The following DENND5A variants were observed in gnomAD, a reference collection of about 807,000 sequenced individuals.
The protein encoded by DENND5A is DENN domain-containing protein 5A.
A neutral mutation model predicts 140.3 loss-of-function variants in DENND5A; 64 were observed. The ratio of observed to expected loss-of-function variants is 0.46; its 90% confidence interval spans 0.37 to 0.56. The LOEUF is 0.56. Ranked by LOEUF, DENND5A falls within the 20% of genes least tolerant of loss-of-function variation. The pLI is 0.00. For synonymous variants in DENND5A, 605 were observed against 607.7 expected (o/e 1.00, Z 0.07); for missense variants, 1,292 against 1,593.8 (o/e 0.81, Z 3.22).
intron 1 of DENND5A, among the ~76,000 whole-genome samples, chr11:9,256,050 C>T (rs1018056563): frequency 1.3e-5 from 2 of 149,812 alleles, no homozygotes; most frequent in African/African-American, 4.9e-5. Flanking sequence ...AGGTTAAACA[C>T]AGTTACTATA....
intron 17 of DENND5A, 103 bp from the exon 18 acceptor site, chr11:9,145,216 C>G: frequency 1.2e-6 from 1 of 812,170 alleles, no homozygotes; most frequent in Non-Finnish European, 2.1e-6. Flanking sequence ...CCTGACCCCT[C>G]AGCATCTGCA....
chr11:9,177,158 G>T (rs896021482), intron 8 of DENND5A, among the ~76,000 whole-genome samples: 3 of 151,514 alleles, frequency 2.0e-5, no homozygotes, highest in Non-Finnish European at 4.4e-5. Context: ...GGAGACTGAG[G>T]TGAGAGAATT....
At chr11:9,186,095 T>C (rs922948252) in intron 5 of DENND5A, among the ~76,000 whole-genome samples, 2 of 152,252 alleles carry the variant, frequency 1.3e-5, no homozygotes, top group African/African-American at 4.8e-5. Flanking sequence ...AATAAACATT[T>C]GCTGAGTGCA....
At chr11:9,242,855 C>G (rs562305223) in intron 1 of DENND5A, 8 of 150,948 alleles carry the variant, frequency 5.3e-5, no homozygotes, top group Non-Finnish European at 1.2e-4. Context: ...TTTCGGAGGC[C>G]GAGGCGGGTG....
Position 9,204,216 on chromosome 11 carries a change from A to G in DENND5A, c.393T>C (p.Phe131=), listed in dbSNP as rs1481977400. The G allele has an allele frequency of 1.2e-6, 2 of 1,614,102 alleles. No homozygotes were observed. The highest frequency in any genetic ancestry group is 4.5e-5 in the East Asian group (2 of 44,874). The change falls in exon 4 of 23, where the codon TTT becomes TTC. Residue 131 remains phenylalanine (F), a synonymous_variant. Coordinates refer to ENST00000328194, the MANE Select transcript of DENND5A (RefSeq NM_015213.4). ...IITREDGSRT[F]GFALTFYEEV... ...CTTCATAAAATGTGAGGGCAAACCC[A>G]AATGTCCGAGAGCCATCCTCCCTTG... is the stretch of plus-strand genomic sequence containing the variant.
rs1847141960 is a variant in DENND5A, at chr11:9,139,021, A to T, written c.*650T>A. ...TTTAAAAAAGAAAAAAGAAAAGAAA[A>T]ACCTGTTAAAACATGCTTATGTTTA... On this transcript the variant is annotated 3_prime_UTR_variant, in exon 23 of 23. Transcript: ENST00000328194. 6.6e-6 allele frequency: 1 copy of T among 152,026 alleles called. No homozygotes were observed. Among genetic ancestry groups the T allele is most frequent in the Non-Finnish European group, 1.5e-5 (1 of 67,792 alleles). The allele number at this position is 152,026 out of a possible 1,614,324, so 9.4% of individuals were successfully genotyped here.
intron 1 of DENND5A, among the ~76,000 whole-genome samples, chr11:9,259,341 A>C (rs754498815): frequency 6.6e-6 from 1 of 151,540 alleles, no homozygotes; most frequent in Non-Finnish European, 1.5e-5. Context: ...GGCGGATCAC[A>C]AGGTCAGGAG....
chr11:9,188,848 T>C (rs1259742051), intron 5 of DENND5A, among the ~76,000 whole-genome samples: 4 of 152,152 alleles, frequency 2.6e-5, no homozygotes, highest in Non-Finnish European at 5.9e-5. Flanking sequence ...TTTGGAAAAT[T>C]TGCAGCCTGA....
At chr11:9,189,591 C>T (rs1849039019) in intron 5 of DENND5A, among the ~76,000 whole-genome samples, 1 of 151,732 alleles carries the variant, frequency 6.6e-6, no homozygotes, top group South Asian at 2.1e-4. Flanking sequence ...TATGGGAACC[C>T]ACCTCTTTTT....
chr11:9,255,425 C>CA (rs545361361), intron 1 of DENND5A, among the ~76,000 whole-genome samples: 37 of 151,688 alleles, frequency 2.4e-4, no homozygotes, highest in Non-Finnish European at 5.0e-4. Flanking sequence ...CTCGTCTCTA[C>CA]AAAAAAATTA....
rs1389834246 is a variant in DENND5A, at chr11:9,260,543, ACTG to A, written c.109+4415_109+4417del. ...CAATTCTTCCAGATTTGCTTACCTAACTGACAAGTTCAAAAAGCCAACAAGCAG... is the reference window on the plus strand; with the variant it reads ...CAATTCTTCCAGATTTGCTTACCTAAACAAGTTCAAAAAGCCAACAAGCAG... On this transcript the variant is annotated intron_variant, in intron 1 of 22. Coordinates refer to ENST00000328194, the MANE Select transcript of DENND5A (RefSeq NM_015213.4). Among the ~76,000 whole-genome samples, 348 of 152,346 alleles carry A rather than the reference ACTG, an allele frequency of 2.3e-3. 1 individual carries two copies. Among genetic ancestry groups the A allele is most frequent in the African/African-American group, 8.0e-3 (331 of 41,574 alleles).
intron 1 of DENND5A, among the ~76,000 whole-genome samples, chr11:9,210,304 C>T (rs1849832315): frequency 6.6e-6 from 1 of 152,112 alleles, no homozygotes; most frequent in African/African-American, 2.4e-5. Flanking sequence ...ATTATTTGTT[C>T]AACACATATA....
Position 9,212,524 on chromosome 11 carries a change from G to T in DENND5A, c.110-4892C>A, listed in dbSNP as rs181664502. ...ATGATAAGAGAGAACCTTGAAAAGA[G>T]CTAGAAAGAAAGGATACACATTATA... On this transcript the variant is annotated intron_variant, in intron 1 of 22. Transcript: ENST00000328194. Among the ~76,000 whole-genome samples the T allele has an allele frequency of 3.0e-3, 459 of 152,018 alleles. 1 individual carries two copies. The highest frequency in any genetic ancestry group is 0.01 in the African/African-American group (421 of 41,456).
intron 22 of DENND5A, among the ~76,000 whole-genome samples, chr11:9,140,852 C>A (rs150769127): frequency 6.6e-6 from 1 of 152,192 alleles, no homozygotes; most frequent in Non-Finnish European, 1.5e-5. Context: ...GTTGGCCAGG[C>A]ATGGTGGCTC....
intron 1 of DENND5A, among the ~76,000 whole-genome samples, chr11:9,246,539 G>T (rs1040305353): frequency 2.6e-5 from 4 of 151,542 alleles, no homozygotes; most frequent in Non-Finnish European, 4.4e-5. Context: ...TTGAACCCAG[G>T]GGGTGGAGGT....
intron 1 of DENND5A, 127 bp from the exon 2 acceptor site, chr11:9,207,759 C>T: frequency 1.6e-6 from 1 of 629,690 alleles, no homozygotes; most frequent in South Asian, 2.4e-5. Context: ...TATGTGTATA[C>T]ATAAATTTAC....
rs765348497 is a variant in DENND5A, at chr11:9,178,218, C to T, written c.1820G>A (p.Arg607Gln). 6.2e-6 allele frequency: 10 copies of T among 1,614,102 alleles called. No homozygotes were observed. Among genetic ancestry groups the T allele is most frequent in the Middle Eastern group, 1.6e-4 (1 of 6,062 alleles). The change falls in exon 8 of 23, where the codon CGA becomes CAA. Residue 607 changes from arginine (R) to glutamine (Q), a missense_variant. Around this residue, in one of 4 missense-constraint regions of DENND5A, gnomAD observed 199 missense variants for 189.1 expected, o/e 1.05. Transcript: ENST00000328194. ...KDPVLRVFDS[R>Q]VDKIRLLNVR... ...ATTCAACAGCCTGATCTTGTCAACT[C>T]GGGAATCAAATACCCGGAGTACAGG... is the stretch of plus-strand genomic sequence containing the variant.
intron 1 of DENND5A, among the ~76,000 whole-genome samples, chr11:9,222,086 C>T (rs1850338385): frequency 6.6e-6 from 1 of 152,104 alleles, no homozygotes; most frequent in African/African-American, 2.4e-5. Context: ...TATAATTTTA[C>T]AAATGCAGGG....
At position 9,176,461 on chromosome 11, in the gene DENND5A, C is replaced by A. The variant is rs528186231; in HGVS notation, c.1906+1671G>T. Among the ~76,000 whole-genome samples, 402 of 152,282 alleles carry A rather than the reference C, an allele frequency of 2.6e-3. 1 individual carries two copies. Among genetic ancestry groups the A allele is most frequent in the African/African-American group, 9.1e-3 (377 of 41,552 alleles). On this transcript the variant is annotated intron_variant, in intron 8 of 22. Coordinates refer to ENST00000328194, the MANE Select transcript of DENND5A (RefSeq NM_015213.4). ...AAGCTGAAACCATTCTCTAGCTAAA[C>A]TAATGTAGATGAGTCCTCTGAACAA...
Sources: allele counts gnomAD v4.1 joint callset (sites outside exome capture counted in the v4.1 genomes callset), GRCh38; gene constraint gnomAD v4.1.1; regional missense constraint gnomAD v4.1.1; transcripts MANE v1.5; gene names NCBI Gene and HGNC (gene_info 2026-07-23, HGNC 2026-07-21).